Variants in PIK3R6 observed in about 807,000 individuals in gnomAD.
The protein encoded by PIK3R6 is phosphoinositide 3-kinase regulatory subunit 6.
Under a neutral mutation model 84.9 loss-of-function variants are expected in PIK3R6, and 91 were observed. That is an observed-to-expected ratio of 1.07 (90% CI 0.90 to 1.28). PIK3R6 has a LOEUF of 1.28. PIK3R6 is among the 50% of genes most tolerant of loss of function. The probability of loss-of-function intolerance (pLI) is 0.00; values close to 1 mark genes in which losing one functional copy is unlikely to be tolerated. For missense variants in PIK3R6, 996 were observed against 985.1 expected, an observed-to-expected ratio of 1.01 and a Z score of -0.15; for synonymous variants, 416 against 411.4, an observed-to-expected ratio of 1.01 and a Z score of -0.13.
chr17:8,810,740 C>T (rs1234118754), intron 18 of PIK3R6, among the ~76,000 whole-genome samples: 2 of 148,884 alleles, frequency 1.3e-5, no homozygotes, highest in Non-Finnish European at 2.9e-5. Flanking sequence ...CTCCATGTCT[C>T]ACATCCAGGT....
intron 1 of PIK3R6, among the ~76,000 whole-genome samples, chr17:8,860,897 T>C (rs531280861): frequency 7.9e-4 from 113 of 142,294 alleles, no homozygotes; most frequent in Middle Eastern, 7.1e-3. Context: ...TGCTACCTAT[T>C]GGGCTCTTGA....
chr17:8,860,749 A>C (rs1597445059), intron 1 of PIK3R6, among the ~76,000 whole-genome samples: 2 of 152,294 alleles, frequency 1.3e-5, no homozygotes, highest in South Asian at 4.1e-4. Flanking sequence ...TGGAGTTGAC[A>C]TGCAGCTTCC....
chr17:8,838,821 C>T (rs892170486), intron 3 of PIK3R6, among the ~76,000 whole-genome samples, 166 bp from the exon 4 acceptor site: 2 of 152,218 alleles, frequency 1.3e-5, no homozygotes, highest in Non-Finnish European at 2.9e-5. Flanking sequence ...GTGGGCTCCT[C>T]CCAAGTGGGG....
intron 1 of PIK3R6, among the ~76,000 whole-genome samples, chr17:8,865,989 C>T (rs930994502): frequency 6.6e-6 from 1 of 152,180 alleles, no homozygotes; most frequent in African/African-American, 2.4e-5. Flanking sequence ...TTGGCATCTG[C>T]AGCCACCGTG....
chr17:8,856,938 G>A (rs946019784), intron 1 of PIK3R6, among the ~76,000 whole-genome samples: 1 of 66,458 alleles, frequency 1.5e-5, no homozygotes, highest in Non-Finnish European at 3.1e-5. Flanking sequence ...ATTTAAGAAC[G>A]TTGTGCTGTG....
chr17:8,867,523 A>G lies in PIK3R6; in HGVS notation c.-92+6T>C, dbSNP rs765168309. 6.3e-6 allele frequency: 3 copies of G among 475,252 alleles called. No individual in the cohort carries two copies. The highest frequency in any genetic ancestry group is 1.3e-5 in the Non-Finnish European group (3 of 234,958). 29.4% of individuals were successfully genotyped at this position (475,252 alleles called of 1,614,324 possible). A position where few individuals can be genotyped will look rare whatever the true frequency, so the allele number is the denominator to read the frequency against. ...CCTGGCGATCTCCATCCAAGCCAGC[A>G]CTTACCTTGGTTCGGTGGCAGCTTC... is the stretch of plus-strand genomic sequence containing the variant. On this transcript the variant is annotated splice_donor_region_variant and intron_variant, in intron 1 of 19. Transcript: ENST00000619866.
intron 1 of PIK3R6, among the ~76,000 whole-genome samples, chr17:8,866,842 C>A (rs1438725190): frequency 1.3e-5 from 2 of 152,186 alleles, no homozygotes; most frequent in African/African-American, 4.8e-5. Context: ...TCACTCGCAG[C>A]TGTGTTCAGA....
At chr17:8,812,694 T>A (rs748258935) in intron 18 of PIK3R6, among the ~76,000 whole-genome samples, 5 of 152,166 alleles carry the variant, frequency 3.3e-5, no homozygotes, top group Admixed American at 1.3e-4. Flanking sequence ...AATAAAAAAA[T>A]TTTTGAAATG....
intron 16 of PIK3R6, among the ~76,000 whole-genome samples, chr17:8,822,218 T>C (rs140710156): frequency 6.6e-6 from 1 of 152,150 alleles, no homozygotes; most frequent in East Asian, 1.9e-4. Flanking sequence ...TAAGGTCCCA[T>C]AAGTGCTAGC....
rs369608693 is a variant in PIK3R6, at chr17:8,837,587, C to T, written c.258+216G>A. Among the ~76,000 whole-genome samples the T allele has an allele frequency of 1.1e-4, 16 of 152,230 alleles. 1 individual carries two copies. Among genetic ancestry groups the T allele is most frequent in the African/African-American group, 3.9e-4 (16 of 41,532 alleles). On this transcript the variant is annotated intron_variant, in intron 5 of 19. Coordinates refer to ENST00000619866, the MANE Select transcript of PIK3R6 (RefSeq NM_001010855.4). ...TGCACACAGGAGCAAACCCAAAGAC[C>T]TCATCCTGCCTTTCAAGGCCATTGT...
chr17:8,864,238 G>A (rs943382535), intron 1 of PIK3R6, among the ~76,000 whole-genome samples: 12 of 152,130 alleles, frequency 7.9e-5, no homozygotes, highest in African/African-American at 2.4e-4. Flanking sequence ...TTTGCAGCTC[G>A]TCATGAAAAT....
intron 9 of PIK3R6, among the ~76,000 whole-genome samples, 167 bp downstream of exon 9, chr17:8,832,721 GT>G (rs1469124153): frequency 1.3e-5 from 2 of 152,034 alleles, no homozygotes; most frequent in Admixed American, 6.5e-5. Flanking sequence ...CCGCCTCTTA[GT>G]CCCGGTCCTG....
In PIK3R6 at chr17:8,839,522, A is replaced by G. The variant is rs1320254042; in HGVS notation, c.97+92T>C. On this transcript the variant is annotated intron_variant, in intron 3 of 19. Coordinates refer to ENST00000619866, the MANE Select transcript of PIK3R6 (RefSeq NM_001010855.4). This position sits in a 1 kb window ranked among gnomAD's most constrained non-coding sequence, Gnocchi z 4.2. Reference sequence around the variant, plus strand: ...AGACGACCCTTGCCCCCTGAGCTCCAGGCCGGGGCTCTTTCCTGTATGCGC... The same window carrying G: ...AGACGACCCTTGCCCCCTGAGCTCCGGGCCGGGGCTCTTTCCTGTATGCGC... 5.9e-6 allele frequency: 6 copies of G among 1,025,334 alleles called. No individual in the cohort carries two copies. Among genetic ancestry groups the G allele is most frequent in the Admixed American group, 2.6e-5 (1 of 39,182 alleles). 63.5% of individuals were successfully genotyped at this position (1,025,334 alleles called of 1,614,324 possible). A position where few individuals can be genotyped will look rare whatever the true frequency, so the allele number is the denominator to read the frequency against.
rs768242329 is a variant in PIK3R6 at position 8,828,522 on chromosome 17, G to C, written c.1313+45C>G. 1.9e-6 allele frequency: 3 copies of C among 1,591,836 alleles called. No homozygotes were observed. The East Asian group carries it at 6.8e-5, about 36-fold the overall frequency. On this transcript the variant is annotated intron_variant, in intron 11 of 19. Transcript: ENST00000619866. Reference sequence around the variant, plus strand: ...ACCAGCCCACGCCAGGCCCACCTGTGCCCCTGACCAGCGCCCACCCCCAGC... The same window carrying C: ...ACCAGCCCACGCCAGGCCCACCTGTCCCCCTGACCAGCGCCCACCCCCAGC...
Position 8,822,568 on chromosome 17 carries a change from C to T in PIK3R6, c.1788+19G>A. 1 of 1,613,588 alleles carries T rather than the reference C, an allele frequency of 6.2e-7. No individual in the cohort carries two copies. The highest frequency in any genetic ancestry group is 8.5e-7 in the Non-Finnish European group (1 of 1,179,548). ...CTGTACCTCTTGGCTACCTACTGAC[C>T]ACGTCCATGCACACTGACCTTCTGG... On this transcript the variant is annotated intron_variant, in intron 16 of 19. Coordinates refer to ENST00000619866, the MANE Select transcript of PIK3R6 (RefSeq NM_001010855.4).
chr17:8,829,212 C>G (rs112398136), intron 10 of PIK3R6, among the ~76,000 whole-genome samples: 2 of 126,730 alleles, frequency 1.6e-5, no homozygotes, highest in Non-Finnish European at 3.4e-5. Flanking sequence ...TGCACACACA[C>G]AGACACACAC....
chr17:8,848,386 G>A (rs762608432), intron 2 of PIK3R6, among the ~76,000 whole-genome samples: 24 of 152,038 alleles, frequency 1.6e-4, no homozygotes, highest in Non-Finnish European at 2.5e-4. Context: ...ACTTAACTAC[G>A]GCGATATGTT....
chr17:8,840,575 C>A (rs187352453), intron 2 of PIK3R6, among the ~76,000 whole-genome samples: 1 of 145,302 alleles, frequency 6.9e-6, no homozygotes, highest in Admixed American at 7.0e-5. Context: ...TCTCCAAATA[C>A]GTATATGAAG....
intron 18 of PIK3R6, among the ~76,000 whole-genome samples, chr17:8,815,797 C>A (rs2087514843): frequency 6.6e-6 from 1 of 152,194 alleles, no homozygotes; most frequent in African/African-American, 2.4e-5. Flanking sequence ...ATAGGGAAGA[C>A]CACAGAAAAA....
Sources: gnomAD v4.1 joint callset for allele counts (sites outside exome capture counted in the v4.1 genomes callset) on GRCh38, gnomAD v4.1.1 for gene constraint, Gnocchi (gnomAD v3.1) non-coding constraint, MANE v1.5 for transcripts, NCBI Gene and HGNC (gene_info 2026-07-23, HGNC 2026-07-21) for gene names.